The following HOXA3 variants were observed in gnomAD, a reference collection of about 807,000 sequenced individuals.
HOXA3 encodes homeobox protein Hox-A3.
A neutral mutation model predicts 30.3 loss-of-function variants in HOXA3; 8 were observed. The observed-to-expected ratio is 0.26, with a 90% confidence interval of 0.15 to 0.48. The LOEUF is 0.48. Ranked by LOEUF, HOXA3 falls within the 20% of genes least tolerant of loss-of-function variation. The pLI is 0.99. For synonymous variants in HOXA3, 323 were observed against 273.1 expected (o/e 1.18, Z -1.80); for missense variants, 653 against 614.4 (o/e 1.06, Z -0.66).
intron 1 of HOXA3, among the ~76,000 whole-genome samples, chr7:27,146,251 T>TTGTGTGTGTG (rs10685970): frequency 6.7e-6 from 1 of 149,012 alleles, no homozygotes; most frequent in Non-Finnish European, 1.5e-5. Flanking sequence ...GTGTGTGTGT[T>TTGTGTGTGTG]TGTGTGTGTG....
Position 27,107,966 on chromosome 7 carries a change from G to C in HOXA3, c.1281C>G (p.His427Gln), listed in dbSNP as rs750607456. The C allele has an allele frequency of 6.3e-7, 1 of 1,599,258 alleles. No homozygotes were observed. Residue 427 changes from histidine (H) to glutamine (Q), a missense_variant, in exon 6 of 6, where the codon CAC (histidine) becomes CAG (glutamine). Physicochemically the swap from His to Gln is conservative, Grantham distance 24. This residue lies in a region of HOXA3 where 330 missense variants were observed against 274.4 expected (regional missense o/e 1.20). Coordinates refer to ENST00000612286, the MANE Select transcript of HOXA3 (RefSeq NM_153631.3). ...CCTGAATTCTTCCCTGAGAAGGATG[G>C]TGGCCGGTAAGGTCCGTGTAGGTGG... ...PHPTYTDLTG[H>Q]HPSQGRIQEA... is the part of the protein sequence containing the mutation.
intron 1 of HOXA3, among the ~76,000 whole-genome samples, chr7:27,146,500 T>C (rs1782773768): frequency 6.6e-6 from 1 of 152,148 alleles, no homozygotes. Flanking sequence ...TGGAAAACAT[T>C]ATAATTTTAA....
rs1784097460 is a variant in HOXA3 at position 27,107,850 on chromosome 7, A to T, written c.*65T>A. ...AAGAACCTAAAAAAAAAAAAAAAAA[A>T]AAGCAACCAAAGAAAAAAGGTGGGT... On this transcript the variant is annotated 3_prime_UTR_variant, in exon 6 of 6. Transcript: ENST00000612286. The T allele has an allele frequency of 9.0e-7, 1 of 1,116,948 alleles. No individual in the cohort carries two copies. The highest frequency in any genetic ancestry group is 1.2e-6 in the Non-Finnish European group (1 of 815,188). 69.2% of individuals were successfully genotyped at this position (1,116,948 alleles called of 1,614,324 possible). A position where few individuals can be genotyped will look rare whatever the true frequency, so the allele number is the denominator to read the frequency against.
chr7:27,130,018 C>T (rs983956604), intron 2 of HOXA3: 3 of 1,361,968 alleles, frequency 2.2e-6, no homozygotes, highest in Non-Finnish European at 3.0e-6. Context: ...GCTCCCCTCC[C>T]GAGGCCCCCT....
chr7:27,149,287 G>T (rs1387706002), intron 1 of HOXA3, among the ~76,000 whole-genome samples: 3 of 152,234 alleles, frequency 2.0e-5, no homozygotes, highest in Non-Finnish European at 4.4e-5. Flanking sequence ...CAATTCTGTG[G>T]AGGTTGAAGA....
Position 27,145,704 on chromosome 7 carries a change from G to A in HOXA3, c.-493-5518C>T, listed in dbSNP as rs370024061. 12 of 1,614,102 alleles carry A rather than the reference G, an allele frequency of 7.4e-6. No individual in the cohort carries two copies. In the African/African-American group the frequency reaches 1.5e-4, roughly 20 times the overall value. On this transcript the variant is annotated intron_variant, in intron 1 of 5. Transcript: ENST00000612286. ...TGAGTCCTCCCCGCTGGGCTGCGTG[G>A]AATTGATGAGCTTGTTTTCCTTTTT...
intron 1 of HOXA3, chr7:27,145,472 G>GTT: frequency 1.3e-6 from 1 of 746,396 alleles, no homozygotes; most frequent in Non-Finnish European, 2.2e-6. Flanking sequence ...GTTTTGTTTT[G>GTT]TTTTGTTTTG....
chr7:27,122,312 T>C (rs964238581), intron 4 of HOXA3: 2 of 152,234 alleles, frequency 1.3e-5, no homozygotes, highest in African/African-American at 4.8e-5. Context: ...CCACAACCCA[T>C]CTTTGCCTTC....
At chr7:27,127,372 G>A (rs1286682361) in intron 2 of HOXA3, among the ~76,000 whole-genome samples, 6 of 152,166 alleles carry the variant, frequency 3.9e-5, no homozygotes, top group Non-Finnish European at 8.8e-5. Flanking sequence ...TGATTTGTAG[G>A]TATAGAACGG....
intron 2 of HOXA3, among the ~76,000 whole-genome samples, chr7:27,139,156 A>G (rs956663325): frequency 2.0e-5 from 3 of 152,270 alleles, no homozygotes; most frequent in African/African-American, 7.2e-5. Flanking sequence ...AAGAAAAGAA[A>G]GCGCTTTAAC....
chr7:27,133,934 T>C (rs1339168776), intron 2 of HOXA3: 1 of 152,234 alleles, frequency 6.6e-6, no homozygotes, highest in Non-Finnish European at 1.5e-5. Flanking sequence ...CCTTGGACTT[T>C]GCGCTTCTAA....
chr7:27,140,073 G>T lies in HOXA3; in HGVS notation c.-390+10C>A, dbSNP rs1468423942. 3.3e-5 allele frequency: 5 copies of T among 150,768 alleles called. No individual in the cohort carries two copies. The highest frequency in any genetic ancestry group is 1.2e-4 in the African/African-American group (5 of 40,724). 9.3% of individuals were successfully genotyped at this position (150,768 alleles called of 1,614,324 possible). ...AAATAAACTTGAAAGCGCTCAGGAG[G>T]CGAGCTTACCTTAACTCGGAGGGAG... is the stretch of plus-strand genomic sequence containing the variant. On this transcript the variant is annotated intron_variant, in intron 2 of 5. Transcript: ENST00000612286.
At chr7:27,109,230 G>T (rs1395993836) in intron 5 of HOXA3, among the ~76,000 whole-genome samples, 1 of 152,194 alleles carries the variant, frequency 6.6e-6, no homozygotes, top group Admixed American at 6.5e-5. Context: ...AAACTGGAAG[G>T]CCTTCTCTGC....
intron 2 of HOXA3, among the ~76,000 whole-genome samples, chr7:27,133,105 C>A (rs1785610923): frequency 6.6e-6 from 1 of 152,178 alleles, no homozygotes; most frequent in South Asian, 2.1e-4. Context: ...AGGCCTGTAA[C>A]TTGTCTTTGT....
intron 2 of HOXA3, among the ~76,000 whole-genome samples, chr7:27,139,674 C>G (rs1782461788): frequency 6.6e-6 from 1 of 152,180 alleles, no homozygotes; most frequent in African/African-American, 2.4e-5. Context: ...TGTCTCCCAG[C>G]CCCGACCCCA....
chr7:27,114,871 T>TTATATATATAATATATTA (rs1554336707), intron 4 of HOXA3, among the ~76,000 whole-genome samples: 3 of 110,816 alleles, frequency 2.7e-5, no homozygotes, highest in Non-Finnish European at 5.5e-5. Context: ...ATAATATATA[T>TTATATATATAATATATTA]TATATATATG....
intron 1 of HOXA3, chr7:27,145,830 T>C (rs780966093): frequency 3.1e-6 from 5 of 1,614,084 alleles, no homozygotes; most frequent in Non-Finnish European, 3.4e-6. Flanking sequence ...CAGGTAGCGG[T>C]TGAAGTGGAA....
Position 27,110,607 on chromosome 7 carries a change from T to C in HOXA3, c.34A>G (p.Ile12Val). The C allele has an allele frequency of 1.9e-6, 3 of 1,607,374 alleles. No individual in the cohort carries two copies. Among genetic ancestry groups the C allele is most frequent in the Non-Finnish European group, 2.6e-6 (3 of 1,175,248 alleles). The change falls in exon 5 of 6, where the codon ATC becomes GTC. Residue 12 changes from isoleucine to valine, a missense_variant. This residue lies in a region of HOXA3 where 320 missense variants were observed against 321.9 expected (regional missense o/e 0.99). Coordinates refer to ENST00000612286, the MANE Select transcript of HOXA3 (RefSeq NM_153631.3). ...QKATYYDSSA[I>V]YGGYPYQAAN... is the part of the protein sequence containing the mutation. The stretch of plus-strand genomic sequence containing the variant: ...GCCTGGTAGGGGTAGCCACCGTAGA[T>C]CGCCGAGCTGTCGTAGTAGGTCGCT...
chr7:27,108,265 G>C lies in HOXA3; in HGVS notation c.982C>G (p.Arg328Gly), dbSNP rs1336528766. The C allele has an allele frequency of 5.3e-6, 8 of 1,519,720 alleles. No individual in the cohort carries two copies. In the East Asian group the frequency reaches 1.8e-4, roughly 35 times the overall value. The allele number at this position is 1,519,720 out of a possible 1,614,324, so 94.1% of individuals were successfully genotyped here. A position where few individuals can be genotyped will look rare whatever the true frequency, so the allele number is the denominator to read the frequency against. ...GCGCCCGCCCCTGCCGCCGTGTAGC[G>C]CTTCTGTGGGGGTGGCGGGGGTGCG... ...SCAPPPPPQK[R>G]YTAAGAGAGG... Residue 328 changes from arginine (R) to glycine (G), a missense_variant, in exon 6 of 6, where the codon CGC (arginine) becomes GGC (glycine). Coordinates refer to ENST00000612286, the MANE Select transcript of HOXA3 (RefSeq NM_153631.3). This position sits in a 1 kb window ranked among gnomAD's most constrained non-coding sequence, Gnocchi z 5.0.
Sources: gnomAD v4.1 joint callset for allele counts (sites outside exome capture counted in the v4.1 genomes callset) on GRCh38, gnomAD v4.1.1 for gene constraint, gnomAD v4.1.1 regional missense constraint, Gnocchi (gnomAD v3.1) non-coding constraint, MANE v1.5 for transcripts, NCBI Gene and HGNC (gene_info 2026-07-23, HGNC 2026-07-21) for gene names.